SLC39A11: variants seen among roughly 807,000 people sequenced by gnomAD.
The protein encoded by SLC39A11 is solute carrier family 39 member 11, also known as zinc transporter ZIP11.
SLC39A11 carries 33 observed loss-of-function variants against 36.1 expected under a neutral mutation model. The observed-to-expected ratio is 0.91, with a 90% CI of 0.69 to 1.22. The LOEUF is 1.22. Among genes scored for constraint, SLC39A11 ranks in the 50% most tolerant of loss-of-function variants. The probability of loss-of-function intolerance (pLI) is 0.00; values close to 1 mark genes in which losing one functional copy is unlikely to be tolerated. For missense variants in SLC39A11, 432 were observed against 430.3 expected (o/e 1.00, Z -0.03); for synonymous variants, 166 against 170.3 (o/e 0.97, Z 0.20).
intron 5 of SLC39A11, among the ~76,000 whole-genome samples, chr17:72,941,550 G>A (rs2147615865): frequency 9.3e-6 from 1 of 107,642 alleles, no homozygotes; most frequent in South Asian, 3.6e-4. Context: ...AGAAAATCAG[G>A]ACTGTGTTTT....
chr17:72,827,755 G>A (rs770886659), intron 6 of SLC39A11, among the ~76,000 whole-genome samples: 2 of 152,214 alleles, frequency 1.3e-5, no homozygotes, highest in Non-Finnish European at 2.9e-5. Context: ...GCACTGAAGA[G>A]GAGGTTCCCA....
chr17:72,971,336 A>ACACACTCTCT (rs1555657685), intron 4 of SLC39A11, among the ~76,000 whole-genome samples: 52 of 143,498 alleles, frequency 3.6e-4, no homozygotes, highest in African/African-American at 1.2e-3. Flanking sequence ...ACACACACAC[A>ACACACTCTCT]CTCTCTCTCT....
At chr17:72,802,850 C>T (rs2077136756) in intron 6 of SLC39A11, among the ~76,000 whole-genome samples, 1 of 152,062 alleles carries the variant, frequency 6.6e-6, no homozygotes, top group Non-Finnish European at 1.5e-5. Context: ...ATTTCCAGAG[C>T]CCAGGGAATG....
At chr17:73,073,110 G>C (rs1272765241) in intron 3 of SLC39A11, among the ~76,000 whole-genome samples, 3 of 152,198 alleles carry the variant, frequency 2.0e-5, no homozygotes, top group Non-Finnish European at 4.4e-5. Context: ...AACCCAGGAG[G>C]TGGAGGCTGC....
rs113457546 is a variant in SLC39A11, at chr17:72,885,769, C to T, written c.431-35965G>A. 8.0e-3 allele frequency among the ~76,000 whole-genome samples: 1,221 copies of T among 152,262 alleles called. 11 individuals are homozygous for T. The highest frequency in any genetic ancestry group is 0.028 in the African/African-American group (1,152 of 41,558). ...ACTTCCCCCCTCATCAAGCAGTGGC[C>T]CTCGCTAGAGCCACCCTCTAGCAAA... On this transcript the variant is annotated intron_variant, in intron 5 of 9. Transcript: ENST00000255559.
intron 6 of SLC39A11, among the ~76,000 whole-genome samples, chr17:72,795,795 C>T (rs943995177): frequency 1.3e-5 from 2 of 152,124 alleles, no homozygotes; most frequent in African/African-American, 4.8e-5. Flanking sequence ...GTGTAATCTG[C>T]AGGGTACTAT....
In SLC39A11 at chr17:72,801,867, A is replaced by G. The variant is rs192698207; in HGVS notation, c.601+47767T>C. On this transcript the variant is annotated intron_variant, in intron 6 of 9. Transcript: ENST00000255559. ...TATGGTATGTCAGTTATGCCTCAAT[A>G]AAGTTGTTTAAAACAATAAAAAAAC... Among the ~76,000 whole-genome samples, 10 of 152,360 alleles carry G rather than the reference A, an allele frequency of 6.6e-5. No homozygotes were observed. In the East Asian group the frequency reaches 1.9e-3, roughly 29 times the overall value.
At chr17:72,850,223 C>T (rs1425166878) in intron 5 of SLC39A11, among the ~76,000 whole-genome samples, 1 of 151,920 alleles carries the variant, frequency 6.6e-6, no homozygotes, top group African/African-American at 2.4e-5. Flanking sequence ...CTGAGGCAGG[C>T]AGATGGCTTG....
intron 3 of SLC39A11, among the ~76,000 whole-genome samples, chr17:73,055,830 A>C (rs2059647530): frequency 6.6e-6 from 1 of 152,064 alleles, no homozygotes; most frequent in Non-Finnish European, 1.5e-5. Flanking sequence ...AAGGCAAAAC[A>C]CCAGGCTGTA....
At chr17:72,710,115 T>C (rs1221135993) in intron 7 of SLC39A11, among the ~76,000 whole-genome samples, 1 of 152,190 alleles carries the variant, frequency 6.6e-6, no homozygotes, top group Non-Finnish European at 1.5e-5. Flanking sequence ...CGTCCTTTGC[T>C]TACAGGGAGA....
chr17:72,955,298 C>CTTTTTTTTTTTTTTTTTTTTTTTTTTT (rs71359751), intron 4 of SLC39A11, among the ~76,000 whole-genome samples: 24 of 65,576 alleles, frequency 3.7e-4, no homozygotes, highest in Admixed American at 7.8e-4. Flanking sequence ...TTTCAGTTCT[C>CTTTTTTTTTTTTTTTTTTTTTTTTTTT]TTTTTTTTTT....
At chr17:72,887,968 C>T (rs1280182208) in intron 5 of SLC39A11, among the ~76,000 whole-genome samples, 1 of 152,180 alleles carries the variant, frequency 6.6e-6, no homozygotes, top group Admixed American at 6.5e-5. Flanking sequence ...ATATTTTCCC[C>T]ACTGCTCCCA....
intron 3 of SLC39A11, among the ~76,000 whole-genome samples, chr17:73,076,044 A>G (rs2060308933): frequency 6.6e-6 from 1 of 152,196 alleles, no homozygotes; most frequent in Non-Finnish European, 1.5e-5. Context: ...AATATTAGGT[A>G]TTCTAATCAC....
chr17:72,739,059 G>C (rs1255868553), intron 6 of SLC39A11, among the ~76,000 whole-genome samples: 1 of 151,904 alleles, frequency 6.6e-6, no homozygotes, highest in Non-Finnish European at 1.5e-5. Context: ...TTTACCTTTT[G>C]TGCTTGATCT....
intron 5 of SLC39A11, among the ~76,000 whole-genome samples, chr17:72,912,810 C>G (rs2083096923): frequency 6.6e-6 from 1 of 152,028 alleles, no homozygotes; most frequent in Non-Finnish European, 1.5e-5. Flanking sequence ...GATCTTACAC[C>G]CCAGCCCTAC....
intron 3 of SLC39A11, among the ~76,000 whole-genome samples, chr17:73,036,631 G>T (rs576436410): frequency 6.6e-6 from 1 of 152,156 alleles, no homozygotes; most frequent in East Asian, 1.9e-4. Flanking sequence ...ACTTTTAGTA[G>T]AGATGGGTTT....
chr17:72,975,265 C>T (rs774407617), intron 4 of SLC39A11, among the ~76,000 whole-genome samples: 1 of 151,998 alleles, frequency 6.6e-6, no homozygotes, highest in Non-Finnish European at 1.5e-5. Flanking sequence ...ATGGTGAAAC[C>T]CTGTCCCTAC....
chr17:72,946,530 TG>T (rs1208243976), intron 5 of SLC39A11, among the ~76,000 whole-genome samples: 1 of 152,152 alleles, frequency 6.6e-6, no homozygotes, highest in Non-Finnish European at 1.5e-5. Context: ...AGCATGGAAA[TG>T]GGAAAGGACT....
intron 6 of SLC39A11, among the ~76,000 whole-genome samples, chr17:72,738,361 A>G (rs2144031411): frequency 6.6e-6 from 1 of 152,070 alleles, no homozygotes; most frequent in Non-Finnish European, 1.5e-5. Flanking sequence ...CAAAGGAACC[A>G]CCCTCATATG....
Sources: gnomAD v4.1 joint callset for allele counts (sites outside exome capture counted in the v4.1 genomes callset) on GRCh38, gnomAD v4.1.1 for gene constraint, MANE v1.5 for transcripts, NCBI Gene and HGNC (gene_info 2026-07-23, HGNC 2026-07-21) for gene names.